Variants in NUP153 observed in about 807,000 individuals in gnomAD.
NUP153 encodes nuclear pore complex protein Nup153.
A neutral mutation model predicts 134.6 loss-of-function variants in NUP153; 27 were observed. The observed-to-expected ratio is 0.20, with a 90% CI of 0.15 to 0.28. NUP153 has a LOEUF of 0.28. Among genes scored for constraint, NUP153 ranks in the 10% least tolerant of loss-of-function variants. NUP153 has a pLI of 1.00. For synonymous variants in NUP153, 640 were observed against 623.5 expected (o/e 1.03, Z -0.40); for missense variants, 1,821 against 1,731.3 (o/e 1.05, Z -0.92).
At chr6:17,669,992 G>C (rs1007932262) in intron 5 of NUP153, among the ~76,000 whole-genome samples, 18 of 151,176 alleles carry the variant, frequency 1.2e-4, no homozygotes, top group Non-Finnish European at 2.4e-4. Flanking sequence ...CTACTCGAGA[G>C]GCTGAGGCAG....
intron 2 of NUP153, among the ~76,000 whole-genome samples, chr6:17,678,118 G>A (rs928375163): frequency 3.3e-5 from 5 of 152,006 alleles, no homozygotes; most frequent in African/African-American, 9.7e-5. Context: ...CACTTTGGGA[G>A]GCCAAGGCGG....
At chr6:17,624,918 T>C in intron 19 of NUP153, 85 bp from the exon 20 acceptor site, 2 of 1,352,060 alleles carry the variant, frequency 1.5e-6, no homozygotes, top group Non-Finnish European at 2.0e-6. Flanking sequence ...CACAAGCAAA[T>C]GTCAAGCTTC....
At position 17,675,154 on chromosome 6, in the gene NUP153, A is replaced by AT; in HGVS notation, c.723+74_723+75insA. On this transcript the variant is annotated intron_variant, in intron 4 of 21. Coordinates refer to ENST00000262077, the MANE Select transcript of NUP153 (RefSeq NM_005124.4). The surrounding 1 kb of genome is among the most constrained non-coding windows in gnomAD (Gnocchi z 4.4). ...GGCAACAGCAAAAGACTCTTGTCTCAGAAAAAAAAAAAAAAATTATAAGCA... is the reference window on the plus strand; with the variant it reads ...GGCAACAGCAAAAGACTCTTGTCTCATGAAAAAAAAAAAAAAATTATAAGCA... 6.8e-7 allele frequency: 1 copy of AT among 1,469,612 alleles called. No individual in the cohort carries two copies. Among genetic ancestry groups the AT allele is most frequent in the Non-Finnish European group, 9.3e-7 (1 of 1,075,754 alleles). The allele number at this position is 1,469,612 out of a possible 1,614,324, so 91.0% of individuals were successfully genotyped here.
intron 14 of NUP153, 84 bp from the exon 15 acceptor site, chr6:17,640,148 T>G: frequency 9.7e-7 from 1 of 1,032,594 alleles, no homozygotes; most frequent in South Asian, 2.2e-5. Flanking sequence ...TTCAAAACCA[T>G]CTTTTGGATT....
Position 17,637,221 on chromosome 6 carries a change from C to T in NUP153, c.2396G>A (p.Cys799Tyr). ...ATTATTAGAAACACAGCATACTGAACACTCCCAAGATCCAATGGGCCTTTT... is the reference window on the plus strand; with the variant it reads ...ATTATTAGAAACACAGCATACTGAATACTCCCAAGATCCAATGGGCCTTTT... ...KFKRPIGSWECSVCCVSNNAE... is the reference protein window; with the variant it reads ...KFKRPIGSWEYSVCCVSNNAE... Residue 799 changes from cysteine (C) to tyrosine (Y), a missense_variant, in exon 16 of 22, where the codon TGT (cysteine) becomes TAT (tyrosine). Cys to Tyr is a radical substitution (Grantham distance 194, BLOSUM62 -2). Transcript: ENST00000262077. 1 of 1,614,152 alleles carries T rather than the reference C, an allele frequency of 6.2e-7. No homozygotes were observed. Among genetic ancestry groups the T allele is most frequent in the Non-Finnish European group, 8.5e-7 (1 of 1,180,014 alleles).
chr6:17,706,610 G>A lies in NUP153; in HGVS notation c.-223C>T. 1 of 574,226 alleles carries A rather than the reference G, an allele frequency of 1.7e-6. No individual in the cohort carries two copies. 35.6% of individuals were successfully genotyped at this position (574,226 alleles called of 1,614,324 possible). On this transcript the variant is annotated 5_prime_UTR_variant, in exon 1 of 22. Coordinates refer to ENST00000262077, the MANE Select transcript of NUP153 (RefSeq NM_005124.4). The surrounding 1 kb of genome is among the most constrained non-coding windows in gnomAD (Gnocchi z 5.9). Reference sequence around the variant, plus strand: ...GAAGGGGGTGGCGGCCGCAGAGGCCGAGGAGGCTCCGGTCCGGCCGCCTCT... The same window carrying A: ...GAAGGGGGTGGCGGCCGCAGAGGCCAAGGAGGCTCCGGTCCGGCCGCCTCT...
At chr6:17,635,819 C>G (rs555334026) in intron 16 of NUP153, among the ~76,000 whole-genome samples, 28 of 152,358 alleles carry the variant, frequency 1.8e-4, no homozygotes, top group Non-Finnish European at 3.4e-4. Flanking sequence ...GACTGTATCA[C>G]TCCTCTGCTG....
intron 15 of NUP153, 49 bp from the exon 16 acceptor site, chr6:17,637,819 C>A: frequency 3.9e-6 from 6 of 1,528,808 alleles, no homozygotes; most frequent in South Asian, 3.8e-5. Context: ...CTTTATAAAT[C>A]AAAGCATTAA....
At chr6:17,642,996 G>A (rs1176467800) in intron 14 of NUP153, among the ~76,000 whole-genome samples, 1 of 152,152 alleles carries the variant, frequency 6.6e-6, no homozygotes, top group Non-Finnish European at 1.5e-5. Flanking sequence ...AACACAAGTT[G>A]ACAGTTAGCT....
At chr6:17,668,842 CA>C (rs375323904) in intron 8 of NUP153, 132 bp downstream of exon 8, 23,883 of 467,988 alleles carry the variant, frequency 0.051, no homozygotes, top group South Asian at 0.087. Flanking sequence ...GACTGAGACT[CA>C]AAAAAAAAAA....
In NUP153 at chr6:17,661,768, T is replaced by C; in HGVS notation, c.1280A>G (p.Tyr427Cys). Residue 427 changes from tyrosine to cysteine, a missense_variant, in exon 11 of 22, where the codon TAT (tyrosine) becomes TGT (cysteine). Coordinates refer to ENST00000262077, the MANE Select transcript of NUP153 (RefSeq NM_005124.4). ...GGCTGCAGGCAAACTGAAATTTGGA[T>C]ATGAAAAGCCACTGGCAAATAAAAA... is the stretch of plus-strand genomic sequence containing the variant. ...NREQRESGFS[Y>C]PNFSLPAANG... The C allele has an allele frequency of 6.2e-7, 1 of 1,612,772 alleles. No individual in the cohort carries two copies. The highest frequency in any genetic ancestry group is 8.5e-7 in the Non-Finnish European group (1 of 1,179,668).
At chr6:17,647,740 G>A in intron 13 of NUP153, 67 bp downstream of exon 13, 1 of 1,034,020 alleles carries the variant, frequency 9.7e-7, no homozygotes, top group Non-Finnish European at 1.5e-6. Flanking sequence ...TGGCATCTTA[G>A]ATTTGATAAA....
intron 1 of NUP153, among the ~76,000 whole-genome samples, chr6:17,695,638 C>T (rs1205050581): frequency 6.6e-6 from 1 of 152,116 alleles, no homozygotes; most frequent in Non-Finnish European, 1.5e-5. Context: ...GATGCACAGC[C>T]AACTATAAGA....
chr6:17,656,130 A>G (rs1265331501), intron 11 of NUP153, among the ~76,000 whole-genome samples: 2 of 147,900 alleles, frequency 1.4e-5, no homozygotes, highest in Non-Finnish European at 3.1e-5. Context: ...GCTTGAACTC[A>G]GGAGGTGGAG....
At chr6:17,653,209 T>C (rs1581708035) in intron 11 of NUP153, among the ~76,000 whole-genome samples, 1 of 152,190 alleles carries the variant, frequency 6.6e-6, no homozygotes, top group Middle Eastern at 3.4e-3. Context: ...GCCAAGATCG[T>C]GCTACTGCAC....
chr6:17,627,413 A>G (rs908494071), intron 18 of NUP153, among the ~76,000 whole-genome samples: 7 of 152,198 alleles, frequency 4.6e-5, no homozygotes, highest in Admixed American at 1.3e-4. Context: ...TTATTATTCA[A>G]AAGTATTCAT....
intron 9 of NUP153, among the ~76,000 whole-genome samples, chr6:17,663,260 C>CATAT (rs1554141763): frequency 0.012 from 1,675 of 140,016 alleles, 25 homozygotes; most frequent in African/African-American, 0.038. Context: ...CACACACACA[C>CATAT]ATATATATAT....
rs755062586 is a variant in NUP153 at position 17,616,565 on chromosome 6, G to GC, written c.4304dup (p.Phe1436LeufsTer4). The GC allele has an allele frequency of 6.2e-7, 1 of 1,613,874 alleles. No individual in the cohort carries two copies. The highest frequency in any genetic ancestry group is 2.2e-5 in the East Asian group (1 of 44,882). On this transcript the variant is annotated frameshift_variant, in exon 21 of 22. Coordinates refer to ENST00000262077, the MANE Select transcript of NUP153 (RefSeq NM_005124.4). LOFTEE classifies it high-confidence loss of function. ...CTGCTGGAGACTGGTTAAATGGAAA[G>GC]CCCCCCGAGCCTGAAGGCTGGGCTG...
intron 1 of NUP153, among the ~76,000 whole-genome samples, chr6:17,698,179 C>T (rs1265350667): frequency 2.0e-5 from 3 of 152,294 alleles, no homozygotes; most frequent in East Asian, 1.9e-4. Context: ...TAGAAAAGTA[C>T]TTTAAATGGC....
Sources: gnomAD v4.1 joint callset for allele counts (sites outside exome capture counted in the v4.1 genomes callset) on GRCh38, gnomAD v4.1.1 for gene constraint, Gnocchi (gnomAD v3.1) non-coding constraint, MANE v1.5 for transcripts, NCBI Gene and HGNC (gene_info 2026-07-23, HGNC 2026-07-21) for gene names.